The following AFG2A variants were observed in gnomAD, a reference collection of about 807,000 sequenced individuals.
The protein encoded by AFG2A is AAA ATPase AFG2A.
chr4:123,255,927 G>T, the AFG2A span: 1 of 1,483,016 alleles, frequency 6.7e-7, no homozygotes. Flanking sequence ...GATTGTTCGT[G>T]AAATTCCAGA....
chr4:123,250,825 T>C, the AFG2A span, among the ~76,000 whole-genome samples: 5 of 152,304 alleles, frequency 3.3e-5, no homozygotes, highest in South Asian at 1.0e-3. Flanking sequence ...TGTCATATAG[T>C]GATTTTAATA....
chr4:123,273,571 A>G, the AFG2A span, among the ~76,000 whole-genome samples: 2 of 152,192 alleles, frequency 1.3e-5, no homozygotes, highest in African/African-American at 4.8e-5. Context: ...AGGATTGAGT[A>G]TACAAGTTGA....
the AFG2A span, among the ~76,000 whole-genome samples, chr4:123,220,059 C>T: frequency 7.6e-4 from 116 of 151,912 alleles, no homozygotes; most frequent in African/African-American, 2.6e-3. Context: ...TTAGTAGAGA[C>T]GGGGTTTCAC....
chr4:122,992,978 G>GTGTGTGTA, the AFG2A span, among the ~76,000 whole-genome samples: 302 of 134,924 alleles, frequency 2.2e-3, 3 homozygotes, highest in African/African-American at 4.2e-3. Flanking sequence ...GTGTGTGTAT[G>GTGTGTGTA]TGTGTGTGTG....
the AFG2A span, among the ~76,000 whole-genome samples, chr4:123,301,990 A>G: frequency 1.3e-5 from 2 of 152,178 alleles, no homozygotes. Context: ...AGGTGAAACT[A>G]CAGAGTTTCA....
the AFG2A span, among the ~76,000 whole-genome samples, chr4:123,276,687 A>G: frequency 6.6e-6 from 1 of 152,096 alleles, no homozygotes; most frequent in Non-Finnish European, 1.5e-5. Context: ...TCTAGTTTCA[A>G]TCTTCTGTAC....
the AFG2A span, among the ~76,000 whole-genome samples, chr4:123,051,749 A>C: frequency 7.0e-6 from 1 of 142,980 alleles, no homozygotes; most frequent in Non-Finnish European, 1.5e-5. Flanking sequence ...ATTTTCTTTC[A>C]GCATTCTGAA....
chr4:123,012,628 C>T, the AFG2A span, among the ~76,000 whole-genome samples: 7 of 152,228 alleles, frequency 4.6e-5, no homozygotes, highest in South Asian at 2.1e-4. Flanking sequence ...AGTCTGTGAC[C>T]GGCGCTGGAG....
At chr4:123,289,654 C>T in the AFG2A span, among the ~76,000 whole-genome samples, 1 of 152,184 alleles carries the variant, frequency 6.6e-6, no homozygotes, top group Admixed American at 6.5e-5. Context: ...ATTCCCTTTT[C>T]TCTGCATCCT....
chr4:123,096,853 T>C, the AFG2A span, among the ~76,000 whole-genome samples: 1 of 152,176 alleles, frequency 6.6e-6, no homozygotes, highest in Admixed American at 6.6e-5. Context: ...ATGGAGGTAG[T>C]AAATTGGCAT....
At chr4:122,999,021 G>A in the AFG2A span, among the ~76,000 whole-genome samples, 1 of 151,760 alleles carries the variant, frequency 6.6e-6, no homozygotes, top group African/African-American at 2.4e-5. Flanking sequence ...GTGTGAGATG[G>A]TATCTCATTG....
At chr4:123,236,077 C>T in the AFG2A span, among the ~76,000 whole-genome samples, 3 of 152,244 alleles carry the variant, frequency 2.0e-5, no homozygotes, top group African/African-American at 7.2e-5. Flanking sequence ...TAAATGCCCC[C>T]ACCTCCTTTG....
chr4:123,301,230 G>A, the AFG2A span, among the ~76,000 whole-genome samples: 1 of 152,118 alleles, frequency 6.6e-6, no homozygotes, highest in Non-Finnish European at 1.5e-5. Context: ...TAGACTCTCA[G>A]TTAAGAATCT....
chr4:123,064,148 C>T, the AFG2A span, among the ~76,000 whole-genome samples: 14 of 152,182 alleles, frequency 9.2e-5, no homozygotes, highest in Middle Eastern at 3.4e-3. Context: ...ATTTAAATTA[C>T]GGCACCTTTG....
At chr4:123,306,862 T>C in the AFG2A span, among the ~76,000 whole-genome samples, 2 of 152,368 alleles carry the variant, frequency 1.3e-5, no homozygotes, top group South Asian at 2.1e-4. Context: ...TACAGCCTAA[T>C]AGCAAAAGCA....
the AFG2A span, among the ~76,000 whole-genome samples, chr4:123,279,550 A>C: frequency 5.9e-5 from 9 of 152,310 alleles, no homozygotes; most frequent in African/African-American, 1.9e-4. Context: ...CCATTTACTA[A>C]CTCTATGACT....
At chr4:123,224,609 A>G in the AFG2A span, among the ~76,000 whole-genome samples, 1 of 152,122 alleles carries the variant, frequency 6.6e-6, no homozygotes, top group Admixed American at 6.5e-5. Context: ...CCAGTCTATC[A>G]TTGTTGGACC....
At chr4:123,016,882 C>T in the AFG2A span, among the ~76,000 whole-genome samples, 6 of 152,132 alleles carry the variant, frequency 3.9e-5, no homozygotes, top group South Asian at 2.1e-4. Context: ...CACCTCGGGA[C>T]GCCGAGGCTG....
chr4:123,299,417 A>G, the AFG2A span, among the ~76,000 whole-genome samples: 3 of 152,218 alleles, frequency 2.0e-5, no homozygotes, highest in African/African-American at 7.2e-5. Context: ...TAGATCTCCA[A>G]ATGAAAAAGT....
Sources: allele counts gnomAD v4.1 joint callset (sites outside exome capture counted in the v4.1 genomes callset), GRCh38; gene constraint gnomAD v4.1.1; transcripts MANE v1.5; gene names NCBI Gene and HGNC (gene_info 2026-07-23, HGNC 2026-07-21).